The following CRTC1 variants were observed in gnomAD, a reference collection of about 807,000 sequenced individuals.
CRTC1 encodes the protein CREB regulated transcription coactivator 1.
A neutral mutation model predicts 66.1 loss-of-function variants in CRTC1; 18 were observed. That is an observed-to-expected ratio of 0.27 (90% CI 0.19 to 0.40). The LOEUF is 0.40. Among genes scored for constraint, CRTC1 ranks in the 10% least tolerant of loss-of-function variants. CRTC1 has a pLI of 1.00. For synonymous variants in CRTC1, 416 were observed against 398.8 expected, an observed-to-expected ratio of 1.04 and a Z score of -0.51; for missense variants, 669 against 887.9, an observed-to-expected ratio of 0.75 and a Z score of 3.13.
chr19:18,776,126 C>T (rs1292772208), intron 13 of CRTC1, among the ~76,000 whole-genome samples: 2 of 152,214 alleles, frequency 1.3e-5, no homozygotes, highest in East Asian at 1.9e-4. Flanking sequence ...GTGAAGCAGC[C>T]GGGTACACGG....
intron 1 of CRTC1, among the ~76,000 whole-genome samples, chr19:18,734,961 C>T (rs562791237): frequency 4.5e-4 from 68 of 152,324 alleles, no homozygotes; most frequent in African/African-American, 1.6e-3. Context: ...GAGAATGAAT[C>T]GGTCAGGGGA....
chr19:18,752,658 T>G (rs1243799812), intron 5 of CRTC1, among the ~76,000 whole-genome samples: 2 of 151,096 alleles, frequency 1.3e-5, no homozygotes, highest in African/African-American at 4.9e-5. Context: ...TTTTTTTTTT[T>G]GAAACAGAGT....
intron 1 of CRTC1, among the ~76,000 whole-genome samples, chr19:18,707,674 GT>G (rs1312429107): frequency 2.6e-5 from 4 of 152,178 alleles, no homozygotes; most frequent in Non-Finnish European, 4.4e-5. Flanking sequence ...AATCTAGACT[GT>G]TTTGGGTAGT....
intron 1 of CRTC1, among the ~76,000 whole-genome samples, chr19:18,733,512 G>T (rs886876295): frequency 1.3e-5 from 2 of 152,258 alleles, no homozygotes; most frequent in African/African-American, 2.4e-5. Flanking sequence ...TTACATGAGT[G>T]GAGGGAGCAA....
intron 1 of CRTC1, among the ~76,000 whole-genome samples, chr19:18,700,400 G>A (rs959181711): frequency 1.3e-5 from 2 of 152,098 alleles, no homozygotes; most frequent in Admixed American, 6.5e-5. Context: ...GGGGGCTCTC[G>A]GCAAGGGGGC....
chr19:18,773,278 C>G (rs894411977), intron 11 of CRTC1, among the ~76,000 whole-genome samples: 2 of 152,150 alleles, frequency 1.3e-5, no homozygotes, highest in Non-Finnish European at 2.9e-5. Flanking sequence ...CAGGCCCAGA[C>G]CACCCCACAC....
chr19:18,780,720 GGTCTTGCTGTGTTGCCCA>G lies in CRTC1; in HGVS notation c.*3340_*3357del. On this transcript the variant is annotated 3_prime_UTR_variant, in exon 14 of 14. Coordinates refer to ENST00000321949, the MANE Select transcript of CRTC1 (RefSeq NM_015321.3). Reference sequence around the variant, plus strand: ...TTCTATTTTATTTTTTTAGAGATGGGGTCTTGCTGTGTTGCCCAGGCTGGTCTCGGACTCCTGGGCTCA... The same window carrying G: ...TTCTATTTTATTTTTTTAGAGATGGGGGCTGGTCTCGGACTCCTGGGCTCA... 4.6e-6 allele frequency: 1 copy of G among 217,074 alleles called. No individual in the cohort carries two copies. The allele number at this position is 217,074 out of a possible 1,614,324, so 13.4% of individuals were successfully genotyped here.
At position 18,777,446 on chromosome 19, in the gene CRTC1, C is replaced by T. The variant is rs775495350; in HGVS notation, c.*64C>T. ...GGCGCCTCCCCAGCCCGGGGACGGCCGTGCTCCGTCCCTCGCCAACGGCCG... is the reference window on the plus strand; with the variant it reads ...GGCGCCTCCCCAGCCCGGGGACGGCTGTGCTCCGTCCCTCGCCAACGGCCG... On this transcript the variant is annotated 3_prime_UTR_variant, in exon 14 of 14. Transcript: ENST00000321949. This position sits in a 1 kb window ranked among gnomAD's most constrained non-coding sequence, Gnocchi z 5.5. The T allele has an allele frequency of 1.4e-5, 20 of 1,430,082 alleles. No individual in the cohort carries two copies. The highest frequency in any genetic ancestry group is 4.6e-5 in the East Asian group (2 of 43,924). 88.6% of individuals were successfully genotyped at this position (1,430,082 alleles called of 1,614,324 possible).
chr19:18,685,952 C>T (rs2052675256), intron 1 of CRTC1, among the ~76,000 whole-genome samples: 1 of 152,204 alleles, frequency 6.6e-6, no homozygotes, highest in African/African-American at 2.4e-5. Context: ...ATGATTCACA[C>T]ATCATACAAT....
chr19:18,747,461 ACC>A (rs1340101506), intron 4 of CRTC1, among the ~76,000 whole-genome samples: 1 of 151,934 alleles, frequency 6.6e-6, no homozygotes, highest in East Asian at 1.9e-4. Context: ...ACATGGTGAA[ACC>A]CCGTCTCTAC....
Position 18,760,327 on chromosome 19 carries a change from G to T in CRTC1, c.886+99G>T. On this transcript the variant is annotated intron_variant, in intron 8 of 13. Coordinates refer to ENST00000321949, the MANE Select transcript of CRTC1 (RefSeq NM_015321.3). The surrounding 1 kb of genome is among the most constrained non-coding windows in gnomAD (Gnocchi z 6.2). ...TGGCAGAGTCCCGTTCCAAATACTAGGGCATGGGGGACAGGGCTGGGGGGC... is the reference window on the plus strand; with the variant it reads ...TGGCAGAGTCCCGTTCCAAATACTATGGCATGGGGGACAGGGCTGGGGGGC... 9.8e-7 allele frequency: 1 copy of T among 1,024,382 alleles called. No individual in the cohort carries two copies. Among genetic ancestry groups the T allele is most frequent in the Non-Finnish European group, 1.4e-6 (1 of 696,360 alleles). 63.5% of individuals were successfully genotyped at this position (1,024,382 alleles called of 1,614,324 possible). A position where few individuals can be genotyped will look rare whatever the true frequency, so the allele number is the denominator to read the frequency against.
chr19:18,717,443 C>T (rs1287952411), intron 1 of CRTC1, among the ~76,000 whole-genome samples: 1 of 152,040 alleles, frequency 6.6e-6, no homozygotes, highest in African/African-American at 2.4e-5. Flanking sequence ...AGGGCTGCCA[C>T]CCCATACTGT....
At chr19:18,739,896 G>A (rs1476967568) in intron 1 of CRTC1, among the ~76,000 whole-genome samples, 1 of 152,156 alleles carries the variant, frequency 6.6e-6, no homozygotes, top group Non-Finnish European at 1.5e-5. Context: ...TTCACTGGAA[G>A]GACTCCCCAG....
chr19:18,692,958 C>T (rs1051613372), intron 1 of CRTC1, among the ~76,000 whole-genome samples: 7 of 151,086 alleles, frequency 4.6e-5, no homozygotes, highest in Non-Finnish European at 1.0e-4. Context: ...GCCTGTAGTC[C>T]CAGCTACTCG....
intron 8 of CRTC1, among the ~76,000 whole-genome samples, chr19:18,762,356 G>A (rs188781933): frequency 3.3e-5 from 5 of 152,116 alleles, no homozygotes; most frequent in Non-Finnish European, 5.9e-5. Flanking sequence ...TGAACCTGCC[G>A]CCCAAGCAGC....
intron 9 of CRTC1, among the ~76,000 whole-genome samples, chr19:18,767,294 G>A (rs1047998847): frequency 1.3e-5 from 2 of 151,974 alleles, no homozygotes; most frequent in African/African-American, 4.8e-5. Flanking sequence ...CTGCCTCCCA[G>A]GTTCAAGCGA....
intron 1 of CRTC1, among the ~76,000 whole-genome samples, chr19:18,736,991 T>A (rs991962209): frequency 6.6e-6 from 1 of 152,060 alleles, no homozygotes; most frequent in African/African-American, 2.4e-5. Flanking sequence ...TGCCCGAACA[T>A]CTCTCCACAT....
At chr19:18,698,402 C>T (rs940028355) in intron 1 of CRTC1, among the ~76,000 whole-genome samples, 7 of 149,708 alleles carry the variant, frequency 4.7e-5, no homozygotes, top group East Asian at 2.0e-4. Context: ...ACTCAGCAGG[C>T]GCTCAGCAGG....
chr19:18,722,945 A>G (rs1309308976), intron 1 of CRTC1, among the ~76,000 whole-genome samples: 3 of 150,584 alleles, frequency 2.0e-5, no homozygotes, highest in African/African-American at 4.9e-5. Flanking sequence ...TCAGTGCTAC[A>G]GTCTTTTTTT....
Sources: allele counts gnomAD v4.1 joint callset (sites outside exome capture counted in the v4.1 genomes callset), GRCh38; gene constraint gnomAD v4.1.1; non-coding constraint Gnocchi (gnomAD v3.1); transcripts MANE v1.5; gene names NCBI Gene and HGNC (gene_info 2026-07-23, HGNC 2026-07-21).